INTS9: variants seen among roughly 807,000 people sequenced by gnomAD.
The protein encoded by INTS9 is integrator complex subunit 9, also known as protein related to CPSF subunits of 74 kDa.
A neutral mutation model predicts 79.7 loss-of-function variants in INTS9; 55 were observed. The observed-to-expected ratio is 0.69, with a 90% CI of 0.56 to 0.86. The LOEUF is 0.86. Ranked by LOEUF, INTS9 falls within the 40% of genes least tolerant of loss-of-function variation. The probability of loss-of-function intolerance (pLI) is 0.00; values close to 1 mark genes in which losing one functional copy is unlikely to be tolerated. For missense variants in INTS9, 721 were observed against 831.5 expected (o/e 0.87, Z 1.64); for synonymous variants, 319 against 325.2 (o/e 0.98, Z 0.20).
intron 1 of INTS9, among the ~76,000 whole-genome samples, chr8:28,885,416 T>C (rs1284279710): frequency 6.6e-6 from 1 of 152,214 alleles, no homozygotes; most frequent in Non-Finnish European, 1.5e-5. Context: ...ACATTCAAAT[T>C]TGTGTCTCAG....
chr8:28,816,870 A>C (rs920994676), intron 6 of INTS9, among the ~76,000 whole-genome samples: 4 of 152,086 alleles, frequency 2.6e-5, no homozygotes, highest in African/African-American at 9.7e-5. Context: ...GTGGTATCTC[A>C]TTGTGGTTTT....
intron 1 of INTS9, among the ~76,000 whole-genome samples, chr8:28,882,989 A>G (rs1809979808): frequency 6.6e-6 from 1 of 151,892 alleles, no homozygotes; most frequent in Non-Finnish European, 1.5e-5. Flanking sequence ...GGTCTTCTCT[A>G]TTTTCCCTTC....
chr8:28,815,979 A>G (rs942559422), intron 6 of INTS9, among the ~76,000 whole-genome samples: 4 of 152,184 alleles, frequency 2.6e-5, no homozygotes, highest in Admixed American at 1.3e-4. Context: ...GGATCTAGGA[A>G]AAGAACAAGT....
intron 6 of INTS9, among the ~76,000 whole-genome samples, chr8:28,817,230 A>G (rs1279148672): frequency 2.6e-5 from 4 of 151,648 alleles, no homozygotes; most frequent in African/African-American, 9.7e-5. Context: ...GTCCTTGCCC[A>G]TGCCTATGTC....
chr8:28,846,058 A>C (rs1162019723), intron 4 of INTS9, among the ~76,000 whole-genome samples: 1 of 152,184 alleles, frequency 6.6e-6, no homozygotes, highest in South Asian at 2.1e-4. Flanking sequence ...GGGCATGAGG[A>C]AAAAAGAGGA....
At chr8:28,889,490 A>AG (rs2131423095) in intron 1 of INTS9, among the ~76,000 whole-genome samples, 1 of 152,336 alleles carries the variant, frequency 6.6e-6, no homozygotes, top group African/African-American at 2.4e-5. Flanking sequence ...CAACAACAGT[A>AG]GGGAGACAGG....
chr8:28,882,460 A>T (rs1211759926), intron 1 of INTS9, among the ~76,000 whole-genome samples: 7 of 143,688 alleles, frequency 4.9e-5, no homozygotes, highest in African/African-American at 1.8e-4. Flanking sequence ...ATGATCAATA[A>T]AAAAAAAAAA....
intron 6 of INTS9, among the ~76,000 whole-genome samples, chr8:28,825,024 T>G (rs749594268): frequency 6.6e-6 from 1 of 152,164 alleles, no homozygotes; most frequent in African/African-American, 2.4e-5. Context: ...AATACTGCAG[T>G]GGACTCCACC....
Position 28,769,879 on chromosome 8 carries a change from AC to A in INTS9, c.1800+9del. The stretch of plus-strand genomic sequence containing the variant: ...GTGGAGTTTTCACGGCACCAGCGAA[AC>A]CAGCTCACCTTCTCCAGGGTCTGCA... On this transcript the variant is annotated intron_variant, in intron 16 of 16. Transcript: ENST00000521022. 1 of 1,613,536 alleles carries A rather than the reference AC, an allele frequency of 6.2e-7. No individual in the cohort carries two copies. The highest frequency in any genetic ancestry group is 1.1e-5 in the South Asian group (1 of 91,028).
In INTS9 at chr8:28,796,828, G is replaced by A; in HGVS notation, c.745-173C>T. 7.2e-6 allele frequency: 4 copies of A among 552,828 alleles called. No individual in the cohort carries two copies. In the South Asian group the frequency reaches 9.5e-5, roughly 13 times the overall value. 34.2% of individuals were successfully genotyped at this position (552,828 alleles called of 1,614,324 possible). A position where few individuals can be genotyped will look rare whatever the true frequency, so the allele number is the denominator to read the frequency against. The stretch of plus-strand genomic sequence containing the variant: ...TAACCACTGGCTGCCTAAGTTGGGT[G>A]GGGACTGATGGGAGGAGGCAAGAGG... On this transcript the variant is annotated intron_variant, in intron 8 of 16. Coordinates refer to ENST00000521022, the MANE Select transcript of INTS9 (RefSeq NM_018250.4).
chr8:28,835,070 A>G (rs1806725386), intron 6 of INTS9, among the ~76,000 whole-genome samples: 1 of 152,242 alleles, frequency 6.6e-6, no homozygotes, highest in Non-Finnish European at 1.5e-5. Context: ...CTCAAGAGCC[A>G]ATTGTTCCTA....
intron 6 of INTS9, among the ~76,000 whole-genome samples, chr8:28,824,500 C>T (rs1471344397): frequency 1.3e-5 from 2 of 152,224 alleles, no homozygotes. Context: ...CACTTACTTG[C>T]TCTTGCTTAA....
chr8:28,853,474 T>C (rs1330269631), intron 2 of INTS9, among the ~76,000 whole-genome samples: 1 of 150,530 alleles, frequency 6.6e-6, no homozygotes, highest in Admixed American at 6.6e-5. Context: ...GAGGTAAAGG[T>C]ACCAAAAAAA....
intron 9 of INTS9, among the ~76,000 whole-genome samples, chr8:28,796,139 GTC>G (rs1804203785): frequency 6.6e-6 from 1 of 152,152 alleles, no homozygotes; most frequent in Non-Finnish European, 1.5e-5. Context: ...GTGAAACCAT[GTC>G]TCTACAAAAA....
chr8:28,881,320 C>A (rs1809777315), intron 1 of INTS9, among the ~76,000 whole-genome samples: 1 of 145,160 alleles, frequency 6.9e-6, no homozygotes, highest in South Asian at 2.2e-4. Flanking sequence ...AGCCCCCCGC[C>A]TGGCCAGCCG....
intron 10 of INTS9, chr8:28,793,588 GTC>G: frequency 2.2e-6 from 1 of 447,606 alleles, no homozygotes; most frequent in Non-Finnish European, 3.9e-6. Context: ...GCTAAGGTAA[GTC>G]TCTGCCTTGC....
At chr8:28,879,728 A>G (rs1456051708) in intron 1 of INTS9, among the ~76,000 whole-genome samples, 1 of 152,242 alleles carries the variant, frequency 6.6e-6, no homozygotes, top group Non-Finnish European at 1.5e-5. Flanking sequence ...AATATTATTC[A>G]GCAAGAAAAA....
chr8:28,807,725 CCTTAA>C (rs1804888450), intron 8 of INTS9, among the ~76,000 whole-genome samples: 1 of 152,290 alleles, frequency 6.6e-6, no homozygotes, highest in East Asian at 1.9e-4. Flanking sequence ...AGGAGACACT[CCTTAA>C]CTTGACAAAT....
At chr8:28,850,380 T>TA in intron 2 of INTS9, 107 bp from the exon 3 acceptor site, 1 of 753,312 alleles carries the variant, frequency 1.3e-6, no homozygotes, top group East Asian at 2.7e-5. Flanking sequence ...TTAAAATTAC[T>TA]GGCAGTAGTT....
Sources: allele counts gnomAD v4.1 joint callset (sites outside exome capture counted in the v4.1 genomes callset), GRCh38; gene constraint gnomAD v4.1.1; transcripts MANE v1.5; gene names NCBI Gene and HGNC (gene_info 2026-07-23, HGNC 2026-07-21).